Variants in AUTS2 observed in about 807,000 individuals in gnomAD.
AUTS2 encodes the protein autism susceptibility gene 2 protein.
AUTS2 carries 17 observed loss-of-function variants against 112.4 expected under a neutral mutation model. The observed-to-expected ratio is 0.15, with a 90% CI of 0.10 to 0.23. The LOEUF (loss-of-function observed/expected upper bound fraction) is 0.23, where lower values mean the gene tolerates loss of function less well. AUTS2 is among the 10% of genes least tolerant of loss of function. The probability of loss-of-function intolerance (pLI) is 1.00; values close to 1 mark genes in which losing one functional copy is unlikely to be tolerated. For missense variants in AUTS2, 1,510 were observed against 1,701.6 expected (o/e 0.89, Z 1.98); for synonymous variants, 751 against 702.7 (o/e 1.07, Z -1.09).
At chr7:69,865,285 C>T (rs1793171586) in intron 1 of AUTS2, among the ~76,000 whole-genome samples, 1 of 152,124 alleles carries the variant, frequency 6.6e-6, no homozygotes, top group African/African-American at 2.4e-5. Flanking sequence ...CTGGGCTACA[C>T]ACATGCCCTT....
At chr7:69,629,043 TG>T (rs1794100644) in intron 1 of AUTS2, among the ~76,000 whole-genome samples, 1 of 152,224 alleles carries the variant, frequency 6.6e-6, no homozygotes, top group African/African-American at 2.4e-5. Context: ...ACGTGCATTT[TG>T]GGAAGTATCG....
At position 69,883,643 on chromosome 7, in the gene AUTS2, T is replaced by A. The variant is rs1397250026; in HGVS notation, c.310-15643T>A. On this transcript the variant is annotated intron_variant, in intron 1 of 18. Coordinates refer to ENST00000342771, the MANE Select transcript of AUTS2 (RefSeq NM_015570.4). ...ACTGGACATGGGAAAAAGGAAAGTC[T>A]CCCTCAAACATGCTGCCATCCAAGG... 1.3e-5 allele frequency among the ~76,000 whole-genome samples: 2 copies of A among 152,242 alleles called. 1 individual carries two copies. The highest frequency in any genetic ancestry group is 4.1e-4 in the South Asian group (2 of 4,826).
chr7:70,295,056 A>C (rs1049890938), intron 4 of AUTS2, among the ~76,000 whole-genome samples: 8 of 152,236 alleles, frequency 5.3e-5, no homozygotes, highest in African/African-American at 1.9e-4. Context: ...AGGCTTTGAT[A>C]CCTAGAAAGA....
chr7:69,746,303 A>G (rs989892577), intron 1 of AUTS2, among the ~76,000 whole-genome samples: 7 of 152,132 alleles, frequency 4.6e-5, no homozygotes. Context: ...CTTGGCTTTG[A>G]TGATACAGCA....
chr7:69,682,131 T>C (rs564567149), intron 1 of AUTS2, among the ~76,000 whole-genome samples: 2 of 152,370 alleles, frequency 1.3e-5, no homozygotes, highest in East Asian at 3.9e-4. Flanking sequence ...ATTATGATGG[T>C]GGTAAATGAG....
At chr7:69,787,032 G>T (rs1432766757) in intron 1 of AUTS2, among the ~76,000 whole-genome samples, 1 of 152,180 alleles carries the variant, frequency 6.6e-6, no homozygotes, top group East Asian at 1.9e-4. Flanking sequence ...TGAGGTTAAG[G>T]ACGTTGCCTA....
At chr7:70,289,425 A>G (rs566605344) in intron 4 of AUTS2, among the ~76,000 whole-genome samples, 2 of 152,346 alleles carry the variant, frequency 1.3e-5, no homozygotes, top group Admixed American at 1.3e-4. Flanking sequence ...GTGTCTATCG[A>G]CAGCCTTCTG....
At chr7:70,049,170 GGACTTATAGGCT>G (rs1275142112) in intron 2 of AUTS2, among the ~76,000 whole-genome samples, 7 of 152,022 alleles carry the variant, frequency 4.6e-5, no homozygotes, top group African/African-American at 9.7e-5. Flanking sequence ...CCTTGCTGTT[GGACTTATAGGCT>G]GACTTATAGG....
intron 2 of AUTS2, among the ~76,000 whole-genome samples, chr7:69,977,063 G>A (rs1394971673): frequency 1.3e-5 from 2 of 152,066 alleles, no homozygotes; most frequent in Non-Finnish European, 2.9e-5. Flanking sequence ...TAGCAGTTTT[G>A]TGATTTTATA....
intron 9 of AUTS2, among the ~76,000 whole-genome samples, chr7:70,767,395 A>C (rs1471544634): frequency 6.6e-6 from 1 of 152,224 alleles, no homozygotes; most frequent in Non-Finnish European, 1.5e-5. Flanking sequence ...TGGATGAATT[A>C]TACTTAACAA....
intron 5 of AUTS2, among the ~76,000 whole-genome samples, chr7:70,629,000 T>G (rs1392613522): frequency 6.6e-6 from 1 of 151,464 alleles, no homozygotes; most frequent in Admixed American, 6.6e-5. Flanking sequence ...AGAGGACGAG[T>G]TTAGTAAGTA....
chr7:69,842,663 G>C (rs1166358017), intron 1 of AUTS2, among the ~76,000 whole-genome samples: 1 of 152,176 alleles, frequency 6.6e-6, no homozygotes, highest in Non-Finnish European at 1.5e-5. Flanking sequence ...TGACACCAGT[G>C]AGTGTTTCTT....
chr7:70,274,362 T>C (rs2129609460), intron 4 of AUTS2, among the ~76,000 whole-genome samples: 1 of 152,226 alleles, frequency 6.6e-6, no homozygotes, highest in East Asian at 1.9e-4. Flanking sequence ...GTATGAATCA[T>C]GACTCTACTG....
chr7:70,431,078 C>A (rs1422429983), intron 4 of AUTS2, among the ~76,000 whole-genome samples: 3 of 152,006 alleles, frequency 2.0e-5, no homozygotes, highest in Non-Finnish European at 4.4e-5. Flanking sequence ...ACCTCGTGAT[C>A]CGCCCGCCTC....
At chr7:70,768,143 A>G in intron 10 of AUTS2, 75 bp downstream of exon 10, 2 of 1,374,608 alleles carry the variant, frequency 1.5e-6, no homozygotes, top group Non-Finnish European at 2.0e-6. Context: ...AGATCAGTCA[A>G]TGACTAGCAG....
chr7:70,087,583 A>G (rs1584701164), intron 2 of AUTS2, among the ~76,000 whole-genome samples: 1 of 151,962 alleles, frequency 6.6e-6, no homozygotes. Context: ...GTTAGCCAGG[A>G]TGCTCTCGAT....
intron 6 of AUTS2, among the ~76,000 whole-genome samples, chr7:70,704,022 G>A (rs1809604826): frequency 6.6e-6 from 1 of 152,156 alleles, no homozygotes; most frequent in Non-Finnish European, 1.5e-5. Context: ...TATAGAAGCC[G>A]ACTCTTGGAG....
chr7:70,296,709 T>A (rs1170947897), intron 4 of AUTS2, among the ~76,000 whole-genome samples: 1 of 152,228 alleles, frequency 6.6e-6, no homozygotes, highest in East Asian at 1.9e-4. Context: ...TGCTGAGGCA[T>A]GAACTTCCTA....
chr7:69,764,609 A>G (rs1389024877), intron 1 of AUTS2, among the ~76,000 whole-genome samples: 2 of 152,200 alleles, frequency 1.3e-5, no homozygotes, highest in Non-Finnish European at 2.9e-5. Flanking sequence ...ACAAAGAAGT[A>G]GTACCTTGGC....
Sources: allele counts gnomAD v4.1 joint callset (sites outside exome capture counted in the v4.1 genomes callset), GRCh38; gene constraint gnomAD v4.1.1; transcripts MANE v1.5; gene names NCBI Gene and HGNC (gene_info 2026-07-23, HGNC 2026-07-21).